SLC44A1: variants seen among roughly 807,000 people sequenced by gnomAD.
SLC44A1 encodes the protein solute carrier family 44 member 1.
In SLC44A1, 26 loss-of-function variants were observed where a neutral mutation model predicts 79.3. The ratio of observed to expected loss-of-function variants is 0.33; its 90% CI spans 0.24 to 0.46. SLC44A1 has a LOEUF of 0.46. SLC44A1 is among the 20% of genes least tolerant of loss of function. The pLI, the probability that SLC44A1 is intolerant of heterozygous loss-of-function variation, is 1.00. For missense variants in SLC44A1, 688 were observed against 798.1 expected (o/e 0.86, Z 1.66); for synonymous variants, 263 against 286.2 (o/e 0.92, Z 0.82).
intron 15 of SLC44A1, among the ~76,000 whole-genome samples, chr9:105,432,134 C>T (rs1055879856): frequency 2.0e-5 from 3 of 152,184 alleles, no homozygotes; most frequent in African/African-American, 7.2e-5. Flanking sequence ...TTTGGCCAGG[C>T]TCGTCTCGAG....
At chr9:105,328,558 C>G (rs1588786932) in intron 3 of SLC44A1, among the ~76,000 whole-genome samples, 1 of 152,152 alleles carries the variant, frequency 6.6e-6, no homozygotes, top group African/African-American at 2.4e-5. Flanking sequence ...TAGAGAGGTG[C>G]ACATTCTCTG....
chr9:105,401,870 C>T (rs942634601), downstream of SLC44A1, among the ~76,000 whole-genome samples: 8 of 152,114 alleles, frequency 5.3e-5, no homozygotes, highest in African/African-American at 9.7e-5. Context: ...TAGCTCACAG[C>T]CTAATGAGGG....
chr9:105,413,736 AG>A (rs1228763494), intron 15 of SLC44A1, among the ~76,000 whole-genome samples: 1 of 152,216 alleles, frequency 6.6e-6, no homozygotes, highest in Non-Finnish European at 1.5e-5. Context: ...AAGGCCACCT[AG>A]TGGAGTCACT....
In SLC44A1 at chr9:105,396,033, G is replaced by C; in HGVS notation, c.*6977G>C. 1.0e-6 allele frequency: 1 copy of C among 985,106 alleles called. No individual in the cohort carries two copies. The highest frequency in any genetic ancestry group is 1.2e-6 in the Non-Finnish European group (1 of 829,918). The allele number at this position is 985,106 out of a possible 1,614,324, so 61.0% of individuals were successfully genotyped here. ...CCCATCCTCTAGGTTCCTGTAGTCT[G>C]TGCTCAGAACTTGGTTTTTGGCCCC... On this transcript the variant is annotated 3_prime_UTR_variant, in exon 16 of 16. Coordinates refer to ENST00000374720, the MANE Select transcript of SLC44A1 (RefSeq NM_080546.5).
intron 4 of SLC44A1, among the ~76,000 whole-genome samples, chr9:105,344,152 T>A (rs1461027271): frequency 1.3e-5 from 2 of 152,220 alleles, no homozygotes; most frequent in Non-Finnish European, 2.9e-5. Context: ...TCTTATTAAT[T>A]GCAAATTTTT....
At chr9:105,412,380 T>A (rs1048407567) in intron 15 of SLC44A1, among the ~76,000 whole-genome samples, 11 of 152,180 alleles carry the variant, frequency 7.2e-5, no homozygotes, top group Admixed American at 1.3e-4. Flanking sequence ...TCCCCATCAT[T>A]CTTTGAGTAC....
chr9:105,405,244 C>G (rs866978696), intron 15 of SLC44A1, among the ~76,000 whole-genome samples: 7 of 151,040 alleles, frequency 4.6e-5, no homozygotes, highest in African/African-American at 1.5e-4. Flanking sequence ...TCTCTTGAAT[C>G]GGGGAGGCGG....
intron 1 of SLC44A1, among the ~76,000 whole-genome samples, chr9:105,253,352 T>G (rs1377369249): frequency 6.6e-6 from 1 of 152,242 alleles, no homozygotes; most frequent in Admixed American, 6.5e-5. Flanking sequence ...TTTGTTTGTT[T>G]TTGTAGATTT....
chr9:105,275,371 A>G (rs1830175362), intron 1 of SLC44A1, among the ~76,000 whole-genome samples: 1 of 152,224 alleles, frequency 6.6e-6, no homozygotes, highest in Admixed American at 6.5e-5. Flanking sequence ...TAAGCTTAGT[A>G]AATTCATCTT....
chr9:105,323,416 T>TA, intron 3 of SLC44A1, among the ~76,000 whole-genome samples: 1 of 152,128 alleles, frequency 6.6e-6, no homozygotes, highest in East Asian at 1.9e-4. Flanking sequence ...AAGGACAGGT[T>TA]ACACTGTTGA....
chr9:105,271,506 C>T (rs1830075982), intron 1 of SLC44A1, among the ~76,000 whole-genome samples: 1 of 152,176 alleles, frequency 6.6e-6, no homozygotes, highest in South Asian at 2.1e-4. Context: ...TACGAGCAAA[C>T]ACATAGAAGT....
Position 105,300,161 on chromosome 9 carries a change from T to C in SLC44A1, c.126+852T>C, listed in dbSNP as rs1371674586. On this transcript the variant is annotated intron_variant, in intron 2 of 15. Coordinates refer to ENST00000374720, the MANE Select transcript of SLC44A1 (RefSeq NM_080546.5). ...AGATTAAAAACATCAAACTCAGAGA[T>C]GGAAATTACTATCCCAAGGCCACAC... 2.6e-5 allele frequency among the ~76,000 whole-genome samples: 4 copies of C among 152,156 alleles called. No homozygotes were observed. The East Asian group carries it at 7.7e-4, about 29-fold the overall frequency.
intron 8 of SLC44A1, among the ~76,000 whole-genome samples, 183 bp downstream of exon 8, chr9:105,361,513 C>G (rs560039410): frequency 4.1e-4 from 63 of 152,240 alleles, no homozygotes; most frequent in Non-Finnish European, 4.3e-4. Context: ...TGGATGAGTG[C>G]TATTTGATGA....
intron 4 of SLC44A1, among the ~76,000 whole-genome samples, chr9:105,347,600 T>C (rs143301531): frequency 6.6e-6 from 1 of 152,074 alleles, no homozygotes; most frequent in African/African-American, 2.4e-5. Context: ...ATGTATTATG[T>C]AAATTTTACA....
downstream of SLC44A1, among the ~76,000 whole-genome samples, chr9:105,397,746 C>A (rs976960124): frequency 1.3e-5 from 2 of 151,994 alleles, no homozygotes; most frequent in African/African-American, 4.8e-5. Context: ...AGATCGAGAC[C>A]ATCCTGGCTA....
At chr9:105,275,683 A>G (rs1036102125) in intron 1 of SLC44A1, among the ~76,000 whole-genome samples, 1 of 152,096 alleles carries the variant, frequency 6.6e-6, no homozygotes, top group East Asian at 1.9e-4. Flanking sequence ...TTTGATCTAC[A>G]TGTCTGGTTT....
chr9:105,420,861 C>CAAAAAAAAAAAAAAAAAAAAAAAAAAAA (rs34053627), intron 15 of SLC44A1, among the ~76,000 whole-genome samples: 1 of 12,470 alleles, frequency 8.0e-5, no homozygotes, highest in Non-Finnish European at 1.9e-4. Context: ...AACTCCATCT[C>CAAAAAAAAAAAAAAAAAAAAAAAAAAAA]AAAAAAAAAA....
At chr9:105,271,820 G>A (rs989283531) in intron 1 of SLC44A1, among the ~76,000 whole-genome samples, 3 of 152,030 alleles carry the variant, frequency 2.0e-5, no homozygotes, top group Non-Finnish European at 4.4e-5. Flanking sequence ...CGCTATGTTG[G>A]CCAGGCTGGT....
At chr9:105,408,409 T>TTGTTGTTGTTGC (rs908956728) in intron 15 of SLC44A1, among the ~76,000 whole-genome samples, 16 of 152,162 alleles carry the variant, frequency 1.1e-4, no homozygotes, top group African/African-American at 3.6e-4. Flanking sequence ...TCATTTGTTG[T>TTGTTGTTGTTGC]TGTTGTTGTT....
Sources: allele counts gnomAD v4.1 joint callset (sites outside exome capture counted in the v4.1 genomes callset), GRCh38; gene constraint gnomAD v4.1.1; transcripts MANE v1.5; gene names NCBI Gene and HGNC (gene_info 2026-07-23, HGNC 2026-07-21).